Variants in ZFAT observed in about 807,000 individuals in gnomAD.
The protein encoded by ZFAT is zinc finger protein ZFAT.
A neutral mutation model predicts 117.7 loss-of-function variants in ZFAT; 64 were observed. The ratio of observed to expected loss-of-function variants is 0.54; its 90% CI spans 0.44 to 0.67. The LOEUF is 0.67. Among genes scored for constraint, ZFAT ranks in the 30% least tolerant of loss-of-function variants. ZFAT has a pLI of 0.00. For missense variants in ZFAT, 1,433 were observed against 1,584.5 expected (o/e 0.90, Z 1.62); for synonymous variants, 679 against 615.0 (o/e 1.10, Z -1.54).
rs1462903107 is a variant in ZFAT, at chr8:134,567,442, C to CCCTACCAACCAT, written c.2888-2033_2888-2022dup. ...AGCTGGTTTCCTTGCCTTCATAAAA[C>CCCTACCAACCAT]CCTACCAACCATCCATCCATCCATC... is the stretch of plus-strand genomic sequence containing the variant. On this transcript the variant is annotated intron_variant, in intron 10 of 15. Coordinates refer to ENST00000377838, the MANE Select transcript of ZFAT (RefSeq NM_020863.4). 2.1e-5 allele frequency among the ~76,000 whole-genome samples: 3 copies of CCCTACCAACCAT among 145,806 alleles called. No individual in the cohort carries two copies. The East Asian group carries it at 6.0e-4, about 29-fold the overall frequency.
At chr8:134,585,548 C>T (rs950375435) in intron 9 of ZFAT, among the ~76,000 whole-genome samples, 1 of 152,132 alleles carries the variant, frequency 6.6e-6, no homozygotes, top group Admixed American at 6.5e-5. Flanking sequence ...AGGAGAAGAA[C>T]CAAGCAAAGC....
chr8:134,725,502 C>A, the ZFAT span, among the ~76,000 whole-genome samples: 1 of 152,060 alleles, frequency 6.6e-6, no homozygotes, highest in Non-Finnish European at 1.5e-5. Flanking sequence ...GTGCTACACG[C>A]TTTTCTACAG....
intron 10 of ZFAT, among the ~76,000 whole-genome samples, chr8:134,579,958 A>G (rs1825604025): frequency 6.9e-6 from 1 of 143,948 alleles, no homozygotes; most frequent in South Asian, 2.2e-4. Flanking sequence ...ACAGGGAACA[A>G]AAAAAAAAAA....
the ZFAT span, among the ~76,000 whole-genome samples, chr8:134,770,745 C>T: frequency 6.6e-6 from 1 of 152,216 alleles, no homozygotes; most frequent in African/African-American, 2.4e-5. Context: ...TCACTGAATT[C>T]TTTTTCTCAG....
chr8:134,521,040 G>A (rs747702569), intron 12 of ZFAT, 39 bp from the exon 13 acceptor site: 24 of 1,494,568 alleles, frequency 1.6e-5, no homozygotes, highest in South Asian at 2.4e-5. Context: ...AAATGTGTTC[G>A]TAATACAGAA....
the ZFAT span, chr8:134,797,454 T>A: frequency 1.1e-4 from 16 of 152,128 alleles, no homozygotes; most frequent in African/African-American, 3.4e-4. Context: ...TTTCTCAAAC[T>A]AATTTTAAAA....
chr8:134,743,502 T>A, the ZFAT span, among the ~76,000 whole-genome samples: 10 of 151,690 alleles, frequency 6.6e-5, no homozygotes, highest in East Asian at 9.6e-4. Flanking sequence ...GAAAAAAATT[T>A]AAAAAAATAA....
At chr8:134,563,342 T>G (rs561707112) in intron 11 of ZFAT, among the ~76,000 whole-genome samples, 56 of 152,298 alleles carry the variant, frequency 3.7e-4, no homozygotes, top group African/African-American at 1.1e-3. Flanking sequence ...GAACATGTAG[T>G]GAGAAAAGCA....
the ZFAT span, chr8:134,766,639 A>G: frequency 6.6e-6 from 1 of 152,258 alleles, no homozygotes; most frequent in Non-Finnish European, 1.5e-5. Flanking sequence ...AAGCAAGCAG[A>G]CATGTGTGGT....
At chr8:134,718,228 G>T in the ZFAT span, among the ~76,000 whole-genome samples, 3 of 152,206 alleles carry the variant, frequency 2.0e-5, no homozygotes, top group African/African-American at 7.2e-5. Context: ...GCCGGGTGCA[G>T]TGGTTCACAC....
chr8:134,596,223 TC>T (rs1219805882), intron 7 of ZFAT, among the ~76,000 whole-genome samples: 2 of 152,166 alleles, frequency 1.3e-5, no homozygotes, highest in Non-Finnish European at 2.9e-5. Flanking sequence ...AATCACGCTA[TC>T]CCACTGGAGC....
At chr8:134,558,455 A>C (rs1178313491) in intron 11 of ZFAT, among the ~76,000 whole-genome samples, 2 of 152,258 alleles carry the variant, frequency 1.3e-5, no homozygotes, top group African/African-American at 4.8e-5. Flanking sequence ...CCAAAGGTTA[A>C]CTAATTAGTA....
rs146356772 is a variant in ZFAT at position 134,656,152 on chromosome 8, G to C, written c.196+1409C>G. ...CACACAGGCTGGGTGGGCAGAGGGA[G>C]GGCGCTGAACTGCAAGGCCCCTGGC... On this transcript the variant is annotated intron_variant, in intron 2 of 15. Coordinates refer to ENST00000377838, the MANE Select transcript of ZFAT (RefSeq NM_020863.4). 4.8e-3 allele frequency among the ~76,000 whole-genome samples: 738 copies of C among 152,288 alleles called. 2 individuals are homozygous for C. Among genetic ancestry groups the C allele is most frequent in the Non-Finnish European group, 8.3e-3 (562 of 68,022 alleles).
Position 134,622,956 on chromosome 8 carries a change from C to T in ZFAT, c.449-12301G>A, listed in dbSNP as rs73711279. Among the ~76,000 whole-genome samples, 1,062 of 152,254 alleles carry T rather than the reference C, an allele frequency of 7.0e-3. 6 individuals carry two copies. The highest frequency in any genetic ancestry group is 0.023 in the African/African-American group (937 of 41,550). ...GGTACACCATGACTTGATGCTGTACCTAGACCAGAACATACTTTTACAAAG... is the reference window on the plus strand; with the variant it reads ...GGTACACCATGACTTGATGCTGTACTTAGACCAGAACATACTTTTACAAAG... On this transcript the variant is annotated intron_variant, in intron 3 of 15. Transcript: ENST00000377838.
chr8:134,575,225 G>GA lies in ZFAT; in HGVS notation c.2887+8606dup, dbSNP rs1021876210. Among the ~76,000 whole-genome samples, 8 of 151,968 alleles carry GA rather than the reference G, an allele frequency of 5.3e-5. No individual in the cohort carries two copies. In the South Asian group the frequency reaches 6.2e-4, roughly 12 times the overall value. On this transcript the variant is annotated intron_variant, in intron 10 of 15. Transcript: ENST00000377838. ...GAACCTATACATGCTATCATATATG[G>GA]AAAAAAAATAAAAAGGAGTTTGCAG...
chr8:134,640,942 C>A (rs765650051), intron 2 of ZFAT, among the ~76,000 whole-genome samples: 16 of 152,068 alleles, frequency 1.1e-4, no homozygotes, highest in Non-Finnish European at 2.9e-5. Flanking sequence ...ATTCCTCTTC[C>A]TCCCTCTGAA....
At chr8:134,642,174 A>C (rs1239678816) in intron 2 of ZFAT, among the ~76,000 whole-genome samples, 1 of 152,244 alleles carries the variant, frequency 6.6e-6, no homozygotes, top group African/African-American at 2.4e-5. Context: ...GCTGCTGAGC[A>C]CGCAGAACTG....
At chr8:134,641,254 C>T (rs974054288) in intron 2 of ZFAT, among the ~76,000 whole-genome samples, 2 of 152,160 alleles carry the variant, frequency 1.3e-5, no homozygotes, top group Non-Finnish European at 2.9e-5. Flanking sequence ...CCTGCACACA[C>T]ACACACATTC....
chr8:134,569,789 C>A (rs55675081), intron 10 of ZFAT, among the ~76,000 whole-genome samples: 58,880 of 152,050 alleles, frequency 0.39, 12,296 homozygotes, highest in Admixed American at 0.54. Context: ...ACCTCCCTGA[C>A]ACTCCCTGAG....
Sources: allele counts gnomAD v4.1 joint callset (sites outside exome capture counted in the v4.1 genomes callset), GRCh38; gene constraint gnomAD v4.1.1; transcripts MANE v1.5; gene names NCBI Gene and HGNC (gene_info 2026-07-23, HGNC 2026-07-21).